The following HIVEP3 variants were observed in gnomAD, a reference collection of about 807,000 sequenced individuals.
HIVEP3 encodes transcription factor HIVEP3.
HIVEP3 carries 49 observed loss-of-function variants against 152.8 expected under a neutral mutation model. The observed-to-expected ratio is 0.32, with a 90% CI of 0.26 to 0.41. The LOEUF (loss-of-function observed/expected upper bound fraction) is 0.41, where lower values mean the gene tolerates loss of function less well. Among genes scored for constraint, HIVEP3 ranks in the 10% least tolerant of loss-of-function variants. The pLI, the probability that HIVEP3 is intolerant of heterozygous loss-of-function variation, is 1.00. For synonymous variants in HIVEP3, 1,269 were observed against 1,289.0 expected, an observed-to-expected ratio of 0.98 and a Z score of 0.33; for missense variants, 2,790 against 3,103.3, an observed-to-expected ratio of 0.90 and a Z score of 2.40.
At chr1:41,714,738 T>C (rs1464864072) in intron 1 of HIVEP3, among the ~76,000 whole-genome samples, 1 of 152,216 alleles carries the variant, frequency 6.6e-6, no homozygotes, top group African/African-American at 2.4e-5. Context: ...ACCAAAACTT[T>C]GTTGCTGAAG....
intron 5 of HIVEP3, among the ~76,000 whole-genome samples, chr1:41,563,078 G>A (rs1644104433): frequency 6.6e-6 from 1 of 151,964 alleles, no homozygotes; most frequent in Non-Finnish European, 1.5e-5. Context: ...TCGGGCGCAT[G>A]GCTTATGCTT....
At chr1:42,030,850 G>A (rs1645608923) in intron 1 of HIVEP3, among the ~76,000 whole-genome samples, 1 of 152,162 alleles carries the variant, frequency 6.6e-6, no homozygotes, top group South Asian at 2.1e-4. Flanking sequence ...GCGTAAACAG[G>A]GGTTCAGTAT....
At chr1:41,618,539 C>T (rs368997219) in intron 3 of HIVEP3, among the ~76,000 whole-genome samples, 18 of 152,190 alleles carry the variant, frequency 1.2e-4, no homozygotes, top group African/African-American at 4.1e-4. Context: ...TCCTCGGGCA[C>T]CACTCATAGG....
chr1:41,897,947 G>C (rs1644558351), intron 1 of HIVEP3, among the ~76,000 whole-genome samples: 1 of 112,310 alleles, frequency 8.9e-6, no homozygotes, highest in Non-Finnish European at 1.9e-5. Flanking sequence ...GGGAGAGAGA[G>C]AGAGAGAGAG....
chr1:41,670,967 C>T (rs1013324710), intron 2 of HIVEP3, among the ~76,000 whole-genome samples: 3 of 152,140 alleles, frequency 2.0e-5, no homozygotes, highest in African/African-American at 4.8e-5. Context: ...AATAGGAGAG[C>T]CAGAGGATGC....
intron 1 of HIVEP3, among the ~76,000 whole-genome samples, chr1:41,774,751 A>C (rs1404348266): frequency 3.3e-5 from 5 of 150,672 alleles, no homozygotes; most frequent in Non-Finnish European, 7.4e-5. Flanking sequence ...TTTTCACTTA[A>C]GTTTTCACAA....
rs116079229 is a variant in HIVEP3 at position 41,773,446 on chromosome 1, T to A, written c.-800-72451A>T. ...AGTGCTGAAATGCCTCTGTACCACT[T>A]GGTAATCAGCCACCGCTCTGAGCAT... is the stretch of plus-strand genomic sequence containing the variant. On this transcript the variant is annotated intron_variant, in intron 1 of 8. Coordinates refer to ENST00000372583, the MANE Select transcript of HIVEP3 (RefSeq NM_024503.5). Among the ~76,000 whole-genome samples the A allele has an allele frequency of 3.6e-3, 543 of 152,340 alleles. 3 individuals are homozygous for A. The highest frequency in any genetic ancestry group is 5.4e-3 in the Non-Finnish European group (369 of 68,026).
intron 1 of HIVEP3, among the ~76,000 whole-genome samples, chr1:42,004,699 T>C (rs1256525416): frequency 1.3e-5 from 2 of 152,194 alleles, no homozygotes; most frequent in African/African-American, 4.8e-5. Context: ...CTATCACCTA[T>C]TGAGCAGTGG....
intron 1 of HIVEP3, among the ~76,000 whole-genome samples, chr1:41,872,283 A>T (rs1415547838): frequency 6.6e-6 from 1 of 152,254 alleles, no homozygotes; most frequent in African/African-American, 2.4e-5. Context: ...AACGGAAGTG[A>T]GGTACAGAGT....
chr1:41,579,746 G>A lies in HIVEP3; in HGVS notation c.5052C>T (p.Arg1684=). ...ACAAGGCTGAACTTACCTCTGTCAT[G>A]CGGGGCTTGCGGGAGCTGGATGGCA... ...RLVPSSSRKP[R]MTEVHLPSLV... The change falls in exon 4 of 9, where the codon CGC becomes CGT. Residue 1684 remains arginine, a synonymous_variant. Coordinates refer to ENST00000372583, the MANE Select transcript of HIVEP3 (RefSeq NM_024503.5). 6.3e-7 allele frequency: 1 copy of A among 1,577,638 alleles called. No individual in the cohort carries two copies. The highest frequency in any genetic ancestry group is 1.3e-5 in the African/African-American group (1 of 74,094).
At chr1:41,544,119 G>A (rs1011318534) in intron 5 of HIVEP3, 1 of 152,100 alleles carries the variant, frequency 6.6e-6, no homozygotes, top group Non-Finnish European at 1.5e-5. Flanking sequence ...TCAAGATGAA[G>A]AGGAACGTCT....
At chr1:41,526,579 A>C (rs1569732999) in intron 5 of HIVEP3, among the ~76,000 whole-genome samples, 3 of 44,804 alleles carry the variant, frequency 6.7e-5, no homozygotes, top group Admixed American at 2.7e-4. Context: ...TCACACATAC[A>C]CCCCCACACT....
intron 2 of HIVEP3, among the ~76,000 whole-genome samples, chr1:41,694,822 A>G (rs1439061259): frequency 1.3e-5 from 2 of 152,214 alleles, no homozygotes; most frequent in African/African-American, 2.4e-5. Flanking sequence ...TGGGATCACT[A>G]GTCTCATTTT....
At chr1:41,734,023 G>A (rs1646880206) in intron 1 of HIVEP3, among the ~76,000 whole-genome samples, 1 of 151,930 alleles carries the variant, frequency 6.6e-6, no homozygotes, top group Non-Finnish European at 1.5e-5. Flanking sequence ...TGCTGTGCAA[G>A]GTGCAACTCA....
intron 1 of HIVEP3, among the ~76,000 whole-genome samples, chr1:42,032,297 T>A (rs938702846): frequency 6.6e-6 from 1 of 152,132 alleles, no homozygotes; most frequent in East Asian, 1.9e-4. Flanking sequence ...GACTCACTGG[T>A]GCAGGCGCCA....
chr1:42,004,410 G>C (rs939238233), intron 1 of HIVEP3, among the ~76,000 whole-genome samples: 5 of 152,178 alleles, frequency 3.3e-5, no homozygotes, highest in Non-Finnish European at 7.4e-5. Context: ...AAGGAAGAAA[G>C]GGGAGCTTTT....
intron 1 of HIVEP3, among the ~76,000 whole-genome samples, chr1:41,937,059 G>A (rs1645023404): frequency 6.6e-6 from 1 of 152,070 alleles, no homozygotes; most frequent in Non-Finnish European, 1.5e-5. Context: ...TTATAAAACA[G>A]AAAATAAAAG....
At chr1:41,522,047 A>C (rs1415592992) in intron 6 of HIVEP3, among the ~76,000 whole-genome samples, 1 of 152,238 alleles carries the variant, frequency 6.6e-6, no homozygotes, top group African/African-American at 2.4e-5. Context: ...CACACACGGC[A>C]GACAGAGACA....
chr1:41,734,422 C>A (rs1044610830), intron 1 of HIVEP3, among the ~76,000 whole-genome samples: 1 of 152,132 alleles, frequency 6.6e-6, no homozygotes, highest in South Asian at 2.1e-4. Context: ...TGGACTAACT[C>A]GGCAAATGTT....
Sources: gnomAD v4.1 joint callset for allele counts (sites outside exome capture counted in the v4.1 genomes callset) on GRCh38, gnomAD v4.1.1 for gene constraint, MANE v1.5 for transcripts, NCBI Gene and HGNC (gene_info 2026-07-23, HGNC 2026-07-21) for gene names.